The following GPC6 variants were observed in gnomAD, a reference collection of about 807,000 sequenced individuals.
GPC6 encodes the protein glypican-6.
A neutral mutation model predicts 55.2 loss-of-function variants in GPC6; 14 were observed. The observed-to-expected ratio is 0.25, with a 90% confidence interval of 0.17 to 0.40. The LOEUF is 0.40. Ranked by LOEUF, GPC6 falls within the 10% of genes least tolerant of loss-of-function variation. GPC6 has a pLI of 1.00. For synonymous variants in GPC6, 278 were observed against 259.6 expected, an observed-to-expected ratio of 1.07 and a Z score of -0.68; for missense variants, 641 against 708.5, an observed-to-expected ratio of 0.90 and a Z score of 1.08.
At chr13:93,805,313 T>C (rs1323836668) in intron 2 of GPC6, among the ~76,000 whole-genome samples, 1 of 152,178 alleles carries the variant, frequency 6.6e-6, no homozygotes, top group East Asian at 1.9e-4. Context: ...TGCCACCCTG[T>C]ATTCTAAGTG....
chr13:93,498,275 C>G (rs1233679161), intron 1 of GPC6, among the ~76,000 whole-genome samples: 1 of 152,190 alleles, frequency 6.6e-6, no homozygotes, highest in Non-Finnish European at 1.5e-5. Flanking sequence ...TCCTGCTAGT[C>G]ACTTGGGCTG....
intron 2 of GPC6, among the ~76,000 whole-genome samples, chr13:93,619,079 A>G (rs536925486): frequency 6.6e-5 from 10 of 152,176 alleles, no homozygotes; most frequent in Non-Finnish European, 1.5e-4. Flanking sequence ...TCTCATGGGA[A>G]CACCATCATA....
At chr13:93,811,829 A>G (rs1886702595) in intron 2 of GPC6, among the ~76,000 whole-genome samples, 1 of 152,140 alleles carries the variant, frequency 6.6e-6, no homozygotes, top group Non-Finnish European at 1.5e-5. Context: ...TAAATCCCAT[A>G]CATGCAAAAT....
intron 4 of GPC6, among the ~76,000 whole-genome samples, chr13:94,241,458 A>T (rs1437379993): frequency 6.6e-6 from 1 of 152,150 alleles, no homozygotes. Flanking sequence ...GGGACTCATT[A>T]TACATATTTT....
intron 4 of GPC6, among the ~76,000 whole-genome samples, chr13:94,036,566 C>G (rs1021232261): frequency 2.0e-5 from 3 of 151,976 alleles, no homozygotes; most frequent in Non-Finnish European, 4.4e-5. Flanking sequence ...ACTAAAATCT[C>G]AAGGCTCGGG....
intron 2 of GPC6, among the ~76,000 whole-genome samples, chr13:93,704,686 G>A (rs563279595): frequency 1.6e-4 from 24 of 152,048 alleles, no homozygotes; most frequent in African/African-American, 5.8e-4. Flanking sequence ...CAGAACCAAA[G>A]TGAGTCTGTT....
rs1566629026 is a variant in GPC6, at chr13:93,972,944, T to TGTTTTTCTCTCTCTCTCTCTCC, written c.712-54783_712-54782insTTTTCTCTCTCTCTCTCTCCGT. ...GTCTCTCTGTCTCTCTCTCTCTCTCTGTCTTTCTCTCTCTCTCTCTCCCTC... is the reference window on the plus strand; with the variant it reads ...GTCTCTCTGTCTCTCTCTCTCTCTCTGTTTTTCTCTCTCTCTCTCTCCGTCTTTCTCTCTCTCTCTCTCCCTC... On this transcript the variant is annotated intron_variant, in intron 3 of 8. Transcript: ENST00000377047. Among the ~76,000 whole-genome samples the TGTTTTTCTCTCTCTCTCTCTCC allele has an allele frequency of 2.0e-5, 3 of 151,702 alleles. No individual in the cohort carries two copies. In the East Asian group the frequency reaches 5.8e-4, roughly 29 times the overall value.
chr13:93,931,884 A>G (rs1878197934), intron 3 of GPC6, among the ~76,000 whole-genome samples: 1 of 151,834 alleles, frequency 6.6e-6, no homozygotes, highest in South Asian at 2.1e-4. Context: ...GACAGCTTCT[A>G]TAATTATGTC....
At chr13:93,372,630 G>A (rs1450668566) in intron 1 of GPC6, among the ~76,000 whole-genome samples, 1 of 152,128 alleles carries the variant, frequency 6.6e-6, no homozygotes, top group African/African-American at 2.4e-5. Context: ...GAATTTAAAT[G>A]TAGGCATTTG....
chr13:93,670,737 T>A (rs1278333680), intron 2 of GPC6, among the ~76,000 whole-genome samples: 1 of 152,230 alleles, frequency 6.6e-6, no homozygotes, highest in Non-Finnish European at 1.5e-5. Flanking sequence ...GTAACGGTTT[T>A]ACAATTCAGT....
chr13:93,853,252 A>C (rs143065406), intron 3 of GPC6, among the ~76,000 whole-genome samples: 8 of 151,734 alleles, frequency 5.3e-5, no homozygotes, highest in African/African-American at 1.9e-4. Context: ...CTTCTTGCCT[A>C]TATGTAATCT....
At chr13:93,410,316 A>C (rs1417675975) in intron 1 of GPC6, among the ~76,000 whole-genome samples, 1 of 152,166 alleles carries the variant, frequency 6.6e-6, no homozygotes, top group Non-Finnish European at 1.5e-5. Context: ...TGTTTCAGAA[A>C]GCACTTTCTA....
At chr13:93,879,859 A>C (rs1045789887) in intron 3 of GPC6, among the ~76,000 whole-genome samples, 5 of 151,976 alleles carry the variant, frequency 3.3e-5, no homozygotes, top group Non-Finnish European at 7.4e-5. Context: ...AACTCAAACA[A>C]ATTTACAAGA....
At position 93,318,316 on chromosome 13, in the gene GPC6, GA is replaced by G. The variant is rs200554240; in HGVS notation, c.160+90709del. On this transcript the variant is annotated intron_variant, in intron 1 of 8. Transcript: ENST00000377047. The stretch of plus-strand genomic sequence containing the variant: ...TTGTTTGATACTAATGGACCAAGAA[GA>G]AAAAAAAAGCAAATTTTTATTTTGA... 5.5e-3 allele frequency among the ~76,000 whole-genome samples: 824 copies of G among 150,072 alleles called. 7 individuals are homozygous for G. The highest frequency in any genetic ancestry group is 0.019 in the African/African-American group (773 of 40,920).
At chr13:93,811,206 T>TA (rs1317877118) in intron 2 of GPC6, among the ~76,000 whole-genome samples, 1 of 152,188 alleles carries the variant, frequency 6.6e-6, no homozygotes, top group African/African-American at 2.4e-5. Flanking sequence ...CTTAAAAGGT[T>TA]AAGGCCTGTT....
intron 2 of GPC6, among the ~76,000 whole-genome samples, chr13:93,743,375 T>C (rs1364878728): frequency 6.6e-6 from 1 of 152,142 alleles, no homozygotes; most frequent in African/African-American, 2.4e-5. Context: ...AAAAACGATA[T>C]AATGTGGCCA....
chr13:93,728,322 T>C (rs993272813), intron 2 of GPC6, among the ~76,000 whole-genome samples: 1 of 151,944 alleles, frequency 6.6e-6, no homozygotes, highest in Admixed American at 6.6e-5. Flanking sequence ...GATCAAGTAA[T>C]TCTCTGACCT....
intron 6 of GPC6, among the ~76,000 whole-genome samples, chr13:94,318,898 C>A (rs909557690): frequency 2.0e-5 from 3 of 152,114 alleles, no homozygotes; most frequent in Admixed American, 6.6e-5. Flanking sequence ...AATGTAGTTA[C>A]ACCAAATTTT....
rs368491078 is a variant in GPC6 at position 93,652,732 on chromosome 13, T to C, written c.319+107311T>C. Among the ~76,000 whole-genome samples the C allele has an allele frequency of 5.9e-5, 9 of 152,350 alleles. No individual in the cohort carries two copies. The East Asian group carries it at 1.5e-3, about 26-fold the overall frequency. ...ACATGGTCTTTTCCATATGACATGCTGTGTTTCTGAGTTTGATAGGTAGGC... is the reference window on the plus strand; with the variant it reads ...ACATGGTCTTTTCCATATGACATGCCGTGTTTCTGAGTTTGATAGGTAGGC... On this transcript the variant is annotated intron_variant, in intron 2 of 8. Coordinates refer to ENST00000377047, the MANE Select transcript of GPC6 (RefSeq NM_005708.5).
Sources: gnomAD v4.1 joint callset for allele counts (sites outside exome capture counted in the v4.1 genomes callset) on GRCh38, gnomAD v4.1.1 for gene constraint, MANE v1.5 for transcripts, NCBI Gene and HGNC (gene_info 2026-07-23, HGNC 2026-07-21) for gene names.